The following EIF3I variants were observed in gnomAD, a reference collection of about 807,000 sequenced individuals.
EIF3I encodes the protein TGF-beta receptor-interacting protein 1.
EIF3I carries 20 observed loss-of-function variants against 43.3 expected under a neutral mutation model. That is an observed-to-expected ratio of 0.46 (90% CI 0.32 to 0.67). The LOEUF (loss-of-function observed/expected upper bound fraction) is 0.67. Ranked by LOEUF, EIF3I falls within the 30% of genes least tolerant of loss-of-function variation. The pLI, the probability that EIF3I is intolerant of heterozygous loss-of-function variation, is 0.03. For synonymous variants in EIF3I, 167 were observed against 151.7 expected (o/e 1.10, Z -0.74); for missense variants, 279 against 421.4 (o/e 0.66, Z 2.96).
chr1:32,226,824 CTTTTTTTTTTTT>C (rs1216197071), intron 6 of EIF3I, among the ~76,000 whole-genome samples: 12 of 78,622 alleles, frequency 1.5e-4, no homozygotes, highest in South Asian at 6.1e-4. Context: ...CCGCTCGTGG[CTTTTTTTTTTTT>C]TTTTTTTTTT....
intron 10 of EIF3I, among the ~76,000 whole-genome samples, chr1:32,230,573 C>T (rs1639220031): frequency 6.6e-6 from 1 of 151,964 alleles, no homozygotes; most frequent in Non-Finnish European, 1.5e-5. Flanking sequence ...GGTGTGGTGG[C>T]TCATGCCTGT....
chr1:32,227,240 G>A (rs1639161378), intron 6 of EIF3I, among the ~76,000 whole-genome samples: 1 of 135,408 alleles, frequency 7.4e-6, no homozygotes, highest in Non-Finnish European at 1.5e-5. Context: ...TTGCACCACT[G>A]CACTCCAGCC....
At chr1:32,232,475 TCAA>T (rs912051303), downstream of EIF3I, among the ~76,000 whole-genome samples, 6 of 152,110 alleles carry the variant, frequency 3.9e-5, no homozygotes, top group African/African-American at 1.4e-4. Flanking sequence ...GAGCTGAGTC[TCAA>T]CAGACCTAGC....
intron 8 of EIF3I, 150 bp from the exon 9 acceptor site, chr1:32,228,985 G>T: frequency 9.7e-7 from 1 of 1,032,944 alleles, no homozygotes; most frequent in Non-Finnish European, 1.4e-6. Flanking sequence ...AGGGCAGCCA[G>T]CAGGAGGTGG....
exon 5 of EIF3I, chr1:32,226,237 ACAT>A: frequency 6.2e-7 from 1 of 1,614,106 alleles, no homozygotes; most frequent in South Asian, 1.1e-5. Flanking sequence ...TTTGGGGGCA[ACAT>A]CATCATGTTC....
chr1:32,226,191 A>G, exon 5 of EIF3I: 1 of 1,614,080 alleles, frequency 6.2e-7, no homozygotes, highest in Non-Finnish European at 8.5e-7. Flanking sequence ...GGCCCTTCTC[A>G]AGACCAATTC....
exon 6 of EIF3I, chr1:32,226,475 G>T: frequency 6.3e-7 from 1 of 1,596,172 alleles, no homozygotes. Context: ...GGACCCCTGG[G>T]GGAGTGCATC....
At chr1:32,227,047 G>A (rs1343930384) in intron 6 of EIF3I, among the ~76,000 whole-genome samples, 2 of 151,242 alleles carry the variant, frequency 1.3e-5, no homozygotes, top group Non-Finnish European at 2.9e-5. Flanking sequence ...TGGCCAGGCT[G>A]GTCTTGAATC....
chr1:32,228,993 T>C, intron 8 of EIF3I, 142 bp from the exon 9 acceptor site: 1 of 1,072,618 alleles, frequency 9.3e-7, no homozygotes, highest in Non-Finnish European at 1.4e-6. Flanking sequence ...CAGCAGGAGG[T>C]GGCAGAAGTG....
chr1:32,227,275 T>TAAAAAA (rs1005926284), intron 6 of EIF3I, among the ~76,000 whole-genome samples: 1 of 55,424 alleles, frequency 1.8e-5, no homozygotes, highest in Non-Finnish European at 3.8e-5. Context: ...ACCCTGTCTC[T>TAAAAAA]AAAAAAAAAA....
At chr1:32,229,240 A>G (rs1157378169) in intron 9 of EIF3I, 32 bp downstream of exon 9, 1 of 1,605,404 alleles carries the variant, frequency 6.2e-7, no homozygotes, top group Non-Finnish European at 8.5e-7. Flanking sequence ...CCAAATTAAA[A>G]TCTCATGTGG....
intron 9 of EIF3I, 91 bp downstream of exon 9, chr1:32,229,299 C>A: frequency 1.4e-6 from 2 of 1,392,452 alleles, no homozygotes; most frequent in Non-Finnish European, 2.0e-6. Context: ...CTCGCTCTGT[C>A]GCCTAGGCTG....
chr1:32,230,912 T>G lies in EIF3I; in HGVS notation c.915-15T>G. ...GAAGATAGAAAGTGAATTAATTGTGTCCCTTTTCCTCCAGGTTCTTCCATT... is the reference window on the plus strand; with the variant it reads ...GAAGATAGAAAGTGAATTAATTGTGGCCCTTTTCCTCCAGGTTCTTCCATT... On this transcript the variant is annotated splice_polypyrimidine_tract_variant and intron_variant, in intron 10 of 11. Transcript: ENST00000676679. 1.3e-6 allele frequency: 2 copies of G among 1,578,956 alleles called. No homozygotes were observed. The highest frequency in any genetic ancestry group is 1.2e-5 in the South Asian group (1 of 85,644).
chr1:32,224,035 T>C (rs1034196256), exon 3 of EIF3I: 2 of 1,614,038 alleles, frequency 1.2e-6, no homozygotes, highest in Non-Finnish European at 1.7e-6. Flanking sequence ...CTTTTCCAGA[T>C]CGTCAATGTA....
intron 6 of EIF3I, among the ~76,000 whole-genome samples, chr1:32,227,564 G>A (rs531544573): frequency 9.2e-5 from 14 of 152,164 alleles, no homozygotes; most frequent in African/African-American, 2.9e-4. Context: ...CTTGAGACCC[G>A]GAGATTGAGA....
chr1:32,229,071 G>A, intron 8 of EIF3I, 64 bp from the exon 9 acceptor site: 1 of 1,532,680 alleles, frequency 6.5e-7, no homozygotes, highest in Non-Finnish European at 8.9e-7. Flanking sequence ...GTATATGGCA[G>A]CAGAAAAACA....
downstream of EIF3I, among the ~76,000 whole-genome samples, chr1:32,232,688 G>T (rs938376113): frequency 6.6e-6 from 1 of 152,186 alleles, no homozygotes; most frequent in Non-Finnish European, 1.5e-5. Flanking sequence ...GGATGAAGAC[G>T]GGGGGAGGGC....
chr1:32,224,644 A>G (rs886890906), intron 4 of EIF3I, among the ~76,000 whole-genome samples, 169 bp downstream of exon 4: 3 of 151,748 alleles, frequency 2.0e-5, no homozygotes, highest in Non-Finnish European at 4.4e-5. Context: ...TAGAGGAAGC[A>G]TAGATTAAGT....
intron 2 of EIF3I, among the ~76,000 whole-genome samples, chr1:32,223,693 C>T (rs374837599): frequency 1.8e-4 from 27 of 152,352 alleles, no homozygotes; most frequent in East Asian, 1.3e-3. Flanking sequence ...GACTTCCTTA[C>T]TACCAGCTGC....
Sources: allele counts gnomAD v4.1 joint callset (sites outside exome capture counted in the v4.1 genomes callset), GRCh38; gene constraint gnomAD v4.1.1; transcripts MANE v1.5; gene names NCBI Gene and HGNC (gene_info 2026-07-23, HGNC 2026-07-21).